PRKG1: variants seen among roughly 807,000 people sequenced by gnomAD.
PRKG1 encodes protein kinase cGMP-dependent 1.
PRKG1 carries 35 observed loss-of-function variants against 88.1 expected under a neutral mutation model. The ratio of observed to expected loss-of-function variants is 0.40; its 90% CI spans 0.30 to 0.53. The LOEUF is 0.53. PRKG1 is among the 20% of genes least tolerant of loss of function. The pLI, the probability that PRKG1 is intolerant of heterozygous loss-of-function variation, is 0.59. For synonymous variants in PRKG1, 303 were observed against 292.5 expected (o/e 1.04, Z -0.37); for missense variants, 540 against 839.8 (o/e 0.64, Z 4.41).
intron 2 of PRKG1, among the ~76,000 whole-genome samples, chr10:51,332,557 T>A (rs1841768581): frequency 1.3e-5 from 2 of 152,144 alleles, no homozygotes; most frequent in African/African-American, 4.8e-5. Context: ...AGAGGGAAAA[T>A]CTATGTATGT....
chr10:51,737,732 T>A (rs1187525635), intron 3 of PRKG1, among the ~76,000 whole-genome samples: 12 of 106,664 alleles, frequency 1.1e-4, no homozygotes, highest in African/African-American at 4.4e-4. Flanking sequence ...TTTATTTATT[T>A]ATTTATTAAT....
intron 2 of PRKG1, among the ~76,000 whole-genome samples, chr10:51,220,003 A>G (rs1838485865): frequency 6.6e-6 from 1 of 152,204 alleles, no homozygotes; most frequent in African/African-American, 2.4e-5. Flanking sequence ...GTTGGGCCTT[A>G]TAAGCAGAGA....
chr10:51,861,836 A>AT (rs1309034948), intron 4 of PRKG1, among the ~76,000 whole-genome samples: 2 of 152,220 alleles, frequency 1.3e-5, no homozygotes, highest in Non-Finnish European at 2.9e-5. Context: ...GGAAACCTTC[A>AT]TGGCAGGTGG....
chr10:51,574,690 C>A (rs1837840819), intron 3 of PRKG1, among the ~76,000 whole-genome samples: 1 of 151,908 alleles, frequency 6.6e-6, no homozygotes, highest in South Asian at 2.1e-4. Context: ...TACATAACAC[C>A]TACTACAGAT....
chr10:52,137,232 T>C (rs1048283753), intron 8 of PRKG1, among the ~76,000 whole-genome samples: 3 of 152,066 alleles, frequency 2.0e-5, no homozygotes, highest in African/African-American at 7.2e-5. Flanking sequence ...ATCATGCATG[T>C]CATTGACAAA....
At chr10:51,985,774 C>T (rs1844140063) in intron 5 of PRKG1, among the ~76,000 whole-genome samples, 3 of 152,154 alleles carry the variant, frequency 2.0e-5, no homozygotes, top group African/African-American at 7.2e-5. Flanking sequence ...TCTCTACAGT[C>T]TCTGTGGATG....
rs148095123 is a variant in PRKG1 at position 51,277,182 on chromosome 10, G to C, written c.478+123852G>C. Among the ~76,000 whole-genome samples, 848 of 152,126 alleles carry C rather than the reference G, an allele frequency of 5.6e-3. 2 individuals carry two copies. Among genetic ancestry groups the C allele is most frequent in the Admixed American group, 0.012 (183 of 15,270 alleles). ...TCCAGTTTCAGCTTTCTGTATATGG[G>C]TAGCCAGTTTTCCCAGTACCATTTA... On this transcript the variant is annotated intron_variant, in intron 2 of 17. Coordinates refer to ENST00000373980, the MANE Select transcript of PRKG1 (RefSeq NM_006258.4).
intron 3 of PRKG1, among the ~76,000 whole-genome samples, chr10:51,536,108 A>AT (rs1307364487): frequency 6.6e-6 from 1 of 152,188 alleles, no homozygotes; most frequent in Non-Finnish European, 1.5e-5. Context: ...AGGGGGTATG[A>AT]TACTAATGCG....
intron 2 of PRKG1, among the ~76,000 whole-genome samples, chr10:51,310,516 G>A (rs12360390): frequency 6.6e-6 from 1 of 152,180 alleles, no homozygotes; most frequent in Admixed American, 6.5e-5. Flanking sequence ...GTGAGATTCA[G>A]GAAGAGTTCA....
At chr10:51,789,306 G>A (rs979321179) in intron 3 of PRKG1, among the ~76,000 whole-genome samples, 1 of 152,162 alleles carries the variant, frequency 6.6e-6, no homozygotes, top group Non-Finnish European at 1.5e-5. Flanking sequence ...CCACCTGCAG[G>A]AAATTGTGTC....
intron 3 of PRKG1, among the ~76,000 whole-genome samples, chr10:51,548,381 CTG>C (rs1452792594): frequency 1.3e-5 from 2 of 152,060 alleles, no homozygotes; most frequent in African/African-American, 4.8e-5. Context: ...ACATTATCTT[CTG>C]TGTTAATTAT....
intron 4 of PRKG1, among the ~76,000 whole-genome samples, chr10:51,904,513 G>C (rs2132940144): frequency 6.6e-6 from 1 of 152,092 alleles, no homozygotes; most frequent in East Asian, 1.9e-4. Flanking sequence ...TTTTTAGAAA[G>C]CAAATTAATT....
chr10:52,005,823 C>T (rs1844720516), intron 5 of PRKG1, among the ~76,000 whole-genome samples: 1 of 152,108 alleles, frequency 6.6e-6, no homozygotes, highest in Non-Finnish European at 1.5e-5. Context: ...CCTGCTTCCA[C>T]CTAAACTCTG....
At chr10:51,495,761 A>T (rs1053503712) in intron 3 of PRKG1, among the ~76,000 whole-genome samples, 6 of 152,192 alleles carry the variant, frequency 3.9e-5, no homozygotes, top group African/African-American at 1.4e-4. Context: ...TAAGGAGGTA[A>T]ATGTATATTC....
chr10:51,355,840 T>C (rs1474403924), intron 2 of PRKG1, among the ~76,000 whole-genome samples: 1 of 152,048 alleles, frequency 6.6e-6, no homozygotes, highest in Non-Finnish European at 1.5e-5. Context: ...ATGATAGTAG[T>C]AGAAGCGAGT....
At chr10:51,012,573 G>T (rs1187814512) in intron 1 of PRKG1, among the ~76,000 whole-genome samples, 4 of 152,128 alleles carry the variant, frequency 2.6e-5, no homozygotes, top group Non-Finnish European at 5.9e-5. Flanking sequence ...ATTAAGGCAC[G>T]CATTTTAAAA....
chr10:51,099,159 A>G (rs937476165), intron 1 of PRKG1, among the ~76,000 whole-genome samples: 4 of 152,074 alleles, frequency 2.6e-5, no homozygotes, highest in Non-Finnish European at 2.9e-5. Flanking sequence ...GGGGACTTTA[A>G]TCTAAAGGAG....
intron 9 of PRKG1, among the ~76,000 whole-genome samples, chr10:52,191,263 C>G (rs562927799): frequency 2.6e-4 from 39 of 152,222 alleles, no homozygotes; most frequent in Non-Finnish European, 4.7e-4. Context: ...AGGTATCATT[C>G]TCCCACCTGC....
intron 8 of PRKG1, among the ~76,000 whole-genome samples, chr10:52,149,369 T>G (rs1470274132): frequency 6.6e-6 from 1 of 152,024 alleles, no homozygotes; most frequent in African/African-American, 2.4e-5. Context: ...GCCATTGGTG[T>G]TCCCTCATTA....
Sources: gnomAD v4.1 joint callset for allele counts (sites outside exome capture counted in the v4.1 genomes callset) on GRCh38, gnomAD v4.1.1 for gene constraint, MANE v1.5 for transcripts, NCBI Gene and HGNC (gene_info 2026-07-23, HGNC 2026-07-21) for gene names.